The following MBNL2 variants were observed in gnomAD, a reference collection of about 807,000 sequenced individuals.
MBNL2 encodes the protein muscleblind-like protein 2.
Under a neutral mutation model 41.9 loss-of-function variants are expected in MBNL2, and 17 were observed. The observed-to-expected ratio is 0.41, with a 90% CI of 0.28 to 0.61. MBNL2 has a LOEUF of 0.61. MBNL2 is among the 20% of genes least tolerant of loss of function. MBNL2 has a pLI of 0.35. For synonymous variants in MBNL2, 195 were observed against 182.9 expected (o/e 1.07, Z -0.53); for missense variants, 336 against 505.6 (o/e 0.66, Z 3.22).
At chr13:97,146,643 C>T in the MBNL2 span, among the ~76,000 whole-genome samples, 66 of 152,246 alleles carry the variant, frequency 4.3e-4, no homozygotes, top group South Asian at 8.3e-4. Flanking sequence ...AGAAGCCTTT[C>T]CCCTGTTCAG....
chr13:97,309,895 T>C (rs61438383), intron 2 of MBNL2, among the ~76,000 whole-genome samples: 6,146 of 152,316 alleles, frequency 0.04, 392 homozygotes, highest in African/African-American at 0.14. Flanking sequence ...GTAGAAGTTC[T>C]TTCCCTTCAT....
chr13:97,144,761 T>C, the MBNL2 span, among the ~76,000 whole-genome samples: 1 of 152,116 alleles, frequency 6.6e-6, no homozygotes, highest in South Asian at 2.1e-4. Flanking sequence ...TTACTCTTGG[T>C]GCAGCCACCA....
chr13:97,197,889 C>T, the MBNL2 span, among the ~76,000 whole-genome samples: 1 of 152,144 alleles, frequency 6.6e-6, no homozygotes, highest in African/African-American at 2.4e-5. Flanking sequence ...TGAGCTCCTA[C>T]TTCTATGCTG....
intron 2 of MBNL2, among the ~76,000 whole-genome samples, chr13:97,312,838 T>C (rs1382350206): frequency 6.6e-6 from 1 of 152,262 alleles, no homozygotes; most frequent in Non-Finnish European, 1.5e-5. Context: ...TTACAAAAAT[T>C]ACTGTGAATT....
intron 1 of MBNL2, among the ~76,000 whole-genome samples, chr13:97,242,753 G>A (rs2044554654): frequency 6.6e-6 from 1 of 151,736 alleles, no homozygotes; most frequent in Non-Finnish European, 1.5e-5. Flanking sequence ...GAATAAGCAG[G>A]ACTTACTTGT....
chr13:97,263,335 C>A (rs1190866749), intron 1 of MBNL2, among the ~76,000 whole-genome samples: 2 of 152,160 alleles, frequency 1.3e-5, no homozygotes, highest in Admixed American at 1.3e-4. Context: ...AGCTGGGAAT[C>A]TTGTCAAGAT....
chr13:97,350,921 T>TA (rs1310621772), intron 5 of MBNL2, among the ~76,000 whole-genome samples: 1 of 152,228 alleles, frequency 6.6e-6, no homozygotes, highest in Non-Finnish European at 1.5e-5. Flanking sequence ...CTTAATGGCA[T>TA]CTAGAATGGT....
chr13:97,380,117 G>A (rs1265272208), intron 8 of MBNL2, among the ~76,000 whole-genome samples: 1 of 152,222 alleles, frequency 6.6e-6, no homozygotes, highest in Non-Finnish European at 1.5e-5. Context: ...GTAAGGAACT[G>A]AGTGCAAAGA....
intron 2 of MBNL2, among the ~76,000 whole-genome samples, chr13:97,300,455 C>A (rs991918709): frequency 3.3e-5 from 5 of 152,140 alleles, no homozygotes; most frequent in African/African-American, 1.2e-4. Flanking sequence ...ATTAGAGTCT[C>A]ATAAGGATTA....
chr13:97,352,358 T>C (rs1190860618), intron 5 of MBNL2, among the ~76,000 whole-genome samples: 4 of 152,204 alleles, frequency 2.6e-5, no homozygotes, highest in African/African-American at 4.8e-5. Context: ...TCTGTGACTC[T>C]TTCTTTCACT....
chr13:97,151,654 G>A, the MBNL2 span, among the ~76,000 whole-genome samples: 1 of 152,166 alleles, frequency 6.6e-6, no homozygotes, highest in Non-Finnish European at 1.5e-5. Flanking sequence ...GTGCAAACTG[G>A]TTTCAAGTTT....
At chr13:97,190,685 G>A in the MBNL2 span, among the ~76,000 whole-genome samples, 3 of 152,186 alleles carry the variant, frequency 2.0e-5, no homozygotes, top group Admixed American at 6.5e-5. Flanking sequence ...CATAGTCAAG[G>A]AGGCAGTGCC....
At chr13:97,286,249 G>T (rs2152957020) in intron 2 of MBNL2, among the ~76,000 whole-genome samples, 1 of 152,242 alleles carries the variant, frequency 6.6e-6, no homozygotes, top group Middle Eastern at 3.4e-3. Context: ...TCAACCTACT[G>T]TTCTCATTGG....
Position 97,393,687 on chromosome 13 carries a change from G to A in MBNL2, c.*2238G>A, listed in dbSNP as rs949557865. The A allele has an allele frequency of 1.3e-5, 2 of 152,324 alleles. No individual in the cohort carries two copies. The highest frequency in any genetic ancestry group is 4.8e-5 in the African/African-American group (2 of 41,392). 9.4% of individuals were successfully genotyped at this position (152,324 alleles called of 1,614,324 possible). On this transcript the variant is annotated 3_prime_UTR_variant, in exon 9 of 9. Coordinates refer to ENST00000679496, the MANE Select transcript of MBNL2 (RefSeq NM_001382683.1). ...ATGTAATTTTATAGAATAATTCTGGGATTTGAGAGGATCTAAAACTATTTT... is the reference window on the plus strand; with the variant it reads ...ATGTAATTTTATAGAATAATTCTGGAATTTGAGAGGATCTAAAACTATTTT...
chr13:97,189,072 T>A, the MBNL2 span, among the ~76,000 whole-genome samples: 1 of 152,178 alleles, frequency 6.6e-6, no homozygotes, highest in South Asian at 2.1e-4. Context: ...TGTATTTTTT[T>A]TTTTTAAGAA....
intron 2 of MBNL2, among the ~76,000 whole-genome samples, chr13:97,284,075 TC>T (rs2053955997): frequency 6.6e-6 from 1 of 152,176 alleles, no homozygotes; most frequent in Non-Finnish European, 1.5e-5. Flanking sequence ...TTAGACAGGA[TC>T]ATCTCTGTTT....
intron 4 of MBNL2, among the ~76,000 whole-genome samples, chr13:97,343,877 G>A (rs1445946195): frequency 1.3e-5 from 2 of 152,166 alleles, no homozygotes; most frequent in Non-Finnish European, 2.9e-5. Flanking sequence ...TGCAATCTTG[G>A]CTCACCACAA....
At chr13:97,300,798 A>G (rs1443414694) in intron 2 of MBNL2, among the ~76,000 whole-genome samples, 1 of 152,228 alleles carries the variant, frequency 6.6e-6, no homozygotes, top group African/African-American at 2.4e-5. Flanking sequence ...CAACCAAATT[A>G]TAATCTGGTA....
intron 1 of MBNL2, among the ~76,000 whole-genome samples, chr13:97,258,726 AATAGTGGGATGGGGCTGGATGTGG>A (rs2048030638): frequency 6.6e-6 from 1 of 152,172 alleles, no homozygotes; most frequent in South Asian, 2.1e-4. Context: ...TTTCTGCAAA[AATAGTGGGATGGGGCTGGATGTGG>A]AAAGAGTTTG....
Sources: allele counts gnomAD v4.1 joint callset (sites outside exome capture counted in the v4.1 genomes callset), GRCh38; gene constraint gnomAD v4.1.1; transcripts MANE v1.5; gene names NCBI Gene and HGNC (gene_info 2026-07-23, HGNC 2026-07-21).